Variants in SYNGR1 observed in about 807,000 individuals in gnomAD.
SYNGR1 encodes synaptogyrin-1.
A neutral mutation model predicts 26.1 loss-of-function variants in SYNGR1; 14 were observed. The ratio of observed to expected loss-of-function variants is 0.54; its 90% CI spans 0.35 to 0.84. The LOEUF (loss-of-function observed/expected upper bound fraction) is 0.84, where lower values mean the gene tolerates loss of function less well. Ranked by LOEUF, SYNGR1 falls within the 40% of genes least tolerant of loss-of-function variation. The pLI is 0.01. For synonymous variants in SYNGR1, 141 were observed against 150.1 expected, an observed-to-expected ratio of 0.94 and a Z score of 0.44; for missense variants, 319 against 332.9, an observed-to-expected ratio of 0.96 and a Z score of 0.33.
At chr22:39,364,134 C>T (rs1044037046) in intron 1 of SYNGR1, 2 of 1,609,754 alleles carry the variant, frequency 1.2e-6, no homozygotes, top group African/African-American at 1.3e-5. Context: ...GTAAAGTGGG[C>T]CTGTGCCCTT....
At position 39,371,348 on chromosome 22, in the gene SYNGR1, T is replaced by C. The variant is rs565659351; in HGVS notation, c.100-2968T>C. ...AAAATTAGCCGGATGTGGTGGCGCA[T>C]GCCTGTAATCCCAGCTACTCGGGAG... On this transcript the variant is annotated intron_variant, in intron 1 of 3. Transcript: ENST00000328933. 4.0e-3 allele frequency among the ~76,000 whole-genome samples: 604 copies of C among 151,902 alleles called. 3 individuals are homozygous for C. Among genetic ancestry groups the C allele is most frequent in the African/African-American group, 0.014 (585 of 41,406 alleles).
At chr22:39,380,424 G>A (rs1182320454) in intron 3 of SYNGR1, among the ~76,000 whole-genome samples, 3 of 151,854 alleles carry the variant, frequency 2.0e-5, no homozygotes, top group African/African-American at 7.3e-5. Flanking sequence ...TTTTTTTAGA[G>A]ACAGGGTCTC....
At chr22:39,358,785 G>A (rs1422336336) in intron 1 of SYNGR1, among the ~76,000 whole-genome samples, 2 of 152,034 alleles carry the variant, frequency 1.3e-5, no homozygotes, top group Admixed American at 6.6e-5. Context: ...CACCAATTCC[G>A]GACACAAGAG....
At position 39,381,987 on chromosome 22, in the gene SYNGR1, A is replaced by G. The variant is rs1925516125; in HGVS notation, c.*73A>G. ...CCACACCCAGCCCCTGCTCCTGCCC[A>G]GGCTGCCCTGCCCAGCGCCTCATCA... On this transcript the variant is annotated 3_prime_UTR_variant, in exon 4 of 4. Coordinates refer to ENST00000328933, the MANE Select transcript of SYNGR1 (RefSeq NM_004711.5). The G allele has an allele frequency of 6.0e-6, 9 of 1,495,934 alleles. No homozygotes were observed. The East Asian group carries it at 2.0e-4, about 32-fold the overall frequency. The allele number at this position is 1,495,934 out of a possible 1,614,324, so 92.7% of individuals were successfully genotyped here.
chr22:39,382,305 A>C lies in SYNGR1; in HGVS notation c.*391A>C. ...AGCCCTGGTGGTACCAGAGGCCAGA[A>C]TGGTGGGAAAGACAGATCCAGATAA... On this transcript the variant is annotated 3_prime_UTR_variant, in exon 4 of 4. Transcript: ENST00000328933. The C allele has an allele frequency of 3.0e-6, 1 of 335,152 alleles. No individual in the cohort carries two copies. The highest frequency in any genetic ancestry group is 5.7e-6 in the Non-Finnish European group (1 of 173,932). 20.8% of individuals were successfully genotyped at this position (335,152 alleles called of 1,614,324 possible).
intron 1 of SYNGR1, among the ~76,000 whole-genome samples, chr22:39,370,920 C>T (rs929721909): frequency 2.6e-5 from 4 of 152,138 alleles, no homozygotes; most frequent in South Asian, 2.1e-4. Flanking sequence ...CGCACCTGGC[C>T]GGTCTCTAAA....
intron 1 of SYNGR1, among the ~76,000 whole-genome samples, chr22:39,355,343 C>T (rs1056876212): frequency 5.3e-5 from 8 of 152,238 alleles, no homozygotes; most frequent in African/African-American, 1.2e-4. Context: ...CTCCCAGTAC[C>T]GGGCACAGCC....
chr22:39,372,875 C>T (rs1003688918), intron 1 of SYNGR1, among the ~76,000 whole-genome samples: 12 of 152,016 alleles, frequency 7.9e-5, no homozygotes, highest in Non-Finnish European at 1.0e-4. Flanking sequence ...GGCTAAAGAC[C>T]CTCAGTTCCT....
At chr22:39,358,461 G>A (rs1247053087) in intron 1 of SYNGR1, among the ~76,000 whole-genome samples, 1 of 152,134 alleles carries the variant, frequency 6.6e-6, no homozygotes, top group East Asian at 1.9e-4. Flanking sequence ...TCACTCTTTG[G>A]GTCCACACTA....
At chr22:39,355,291 G>T (rs1924094685) in intron 1 of SYNGR1, among the ~76,000 whole-genome samples, 1 of 152,196 alleles carries the variant, frequency 6.6e-6, no homozygotes, top group African/African-American at 2.4e-5. Flanking sequence ...GTTTGGAGAG[G>T]GCTCTGTGGC....
chr22:39,384,952 G>T lies in SYNGR1; in HGVS notation c.*3038G>T. 2.5e-6 allele frequency: 1 copy of T among 398,926 alleles called. No individual in the cohort carries two copies. The allele number at this position is 398,926 out of a possible 1,614,324, so 24.7% of individuals were successfully genotyped here. Reference sequence around the variant, plus strand: ...CAGTCACAGACTGTCCTGCCTGCACGGCTCCTATCCACCTGGGGGTGTCGC... The same window carrying T: ...CAGTCACAGACTGTCCTGCCTGCACTGCTCCTATCCACCTGGGGGTGTCGC... On this transcript the variant is annotated 3_prime_UTR_variant, in exon 4 of 4. Transcript: ENST00000328933.
In SYNGR1 at chr22:39,376,161, C is replaced by T. The variant is rs2145631169; in HGVS notation, c.447C>T (p.Ala149=). 15 of 1,614,196 alleles carry T rather than the reference C, an allele frequency of 9.3e-6. No homozygotes were observed. Among genetic ancestry groups the T allele is most frequent in the African/African-American group, 2.7e-5 (2 of 75,038 alleles). Residue 149 remains alanine, a synonymous_variant, in exon 3 of 4, where the codon GCC becomes GCT. Transcript: ENST00000328933. ...ACGAAGGGACGGACGCAGCCCGGGC[C>T]GCCATCGCCTTCTCCTTTTTCTCCA... is the stretch of plus-strand genomic sequence containing the variant. ...PLNEGTDAAR[A]AIAFSFFSIF...
In SYNGR1 at chr22:39,383,256, G is replaced by A. The variant is rs561627627; in HGVS notation, c.*1342G>A. On this transcript the variant is annotated 3_prime_UTR_variant, in exon 4 of 4. Coordinates refer to ENST00000328933, the MANE Select transcript of SYNGR1 (RefSeq NM_004711.5). ...GCAGAGCGGCAAGGACAGGGCTTTG[G>A]AATCAGCCAGGTCGGCTCCTGGGCT... The A allele has an allele frequency of 6.6e-6, 1 of 152,484 alleles. No homozygotes were observed. The highest frequency in any genetic ancestry group is 2.1e-4 in the South Asian group (1 of 4,826). 9.4% of individuals were successfully genotyped at this position (152,484 alleles called of 1,614,324 possible).
In SYNGR1 at chr22:39,384,459, TC is replaced by T. The variant is rs1327049555; in HGVS notation, c.*2549del. On this transcript the variant is annotated 3_prime_UTR_variant, in exon 4 of 4. Coordinates refer to ENST00000328933, the MANE Select transcript of SYNGR1 (RefSeq NM_004711.5). Reference sequence around the variant, plus strand: ...CCAGAAGCCCTTCCAGGCATGATCTTCCCCATCAGGCTGGGCTCTGGCAGGG... The same window carrying T: ...CCAGAAGCCCTTCCAGGCATGATCTTCCCATCAGGCTGGGCTCTGGCAGGG... 1.3e-4 allele frequency: 50 copies of T among 398,350 alleles called. No homozygotes were observed. Among genetic ancestry groups the T allele is most frequent in the Non-Finnish European group, 2.0e-4 (46 of 226,068 alleles). The allele number at this position is 398,350 out of a possible 1,614,324, so 24.7% of individuals were successfully genotyped here.
At chr22:39,358,026 C>T (rs1201016609) in intron 1 of SYNGR1, among the ~76,000 whole-genome samples, 4 of 152,234 alleles carry the variant, frequency 2.6e-5, no homozygotes, top group Non-Finnish European at 4.4e-5. Flanking sequence ...CCTGCAGCCC[C>T]GGTGCGGGAT....
intron 3 of SYNGR1, among the ~76,000 whole-genome samples, chr22:39,379,098 G>C (rs1485173459): frequency 6.6e-6 from 1 of 152,130 alleles, no homozygotes; most frequent in African/African-American, 2.4e-5. Context: ...GCTGGCCAGG[G>C]CTCAAGTGTA....
intron 2 of SYNGR1, 126 bp downstream of exon 2, chr22:39,374,679 AT>A: frequency 9.6e-7 from 1 of 1,042,600 alleles, no homozygotes; most frequent in Non-Finnish European, 1.4e-6. Flanking sequence ...GGGTGAAGGG[AT>A]GGACTCAGGG....
chr22:39,351,215 C>T (rs879706770), intron 1 of SYNGR1, among the ~76,000 whole-genome samples: 5 of 152,168 alleles, frequency 3.3e-5, no homozygotes, highest in Non-Finnish European at 7.3e-5. Context: ...TAGGAATGGG[C>T]TAGACTGTCA....
In SYNGR1 at chr22:39,383,368, G is replaced by A. The variant is rs928423086; in HGVS notation, c.*1454G>A. ...GCCCAGGGAAGACCATGGGCTGTAG[G>A]GGAGAGTGTGGCAGGTGACCCAAAG... On this transcript the variant is annotated 3_prime_UTR_variant, in exon 4 of 4. Coordinates refer to ENST00000328933, the MANE Select transcript of SYNGR1 (RefSeq NM_004711.5). 6.6e-6 allele frequency: 1 copy of A among 152,566 alleles called. No homozygotes were observed. The highest frequency in any genetic ancestry group is 2.4e-5 in the African/African-American group (1 of 41,464). The allele number at this position is 152,566 out of a possible 1,614,324, so 9.5% of individuals were successfully genotyped here.
Sources: gnomAD v4.1 joint callset for allele counts (sites outside exome capture counted in the v4.1 genomes callset) on GRCh38, gnomAD v4.1.1 for gene constraint, MANE v1.5 for transcripts, NCBI Gene and HGNC (gene_info 2026-07-23, HGNC 2026-07-21) for gene names.